Variants in AGBL4 observed in about 807,000 individuals in gnomAD.
The protein encoded by AGBL4 is AGBL carboxypeptidase 4, also known as cytosolic carboxypeptidase 6.
In AGBL4, 58 loss-of-function variants were observed where a neutral mutation model predicts 66.4. The observed-to-expected ratio is 0.87, with a 90% CI of 0.71 to 1.09. AGBL4 has a LOEUF of 1.09. Among genes scored for constraint, AGBL4 ranks in the 50% least tolerant of loss-of-function variants. AGBL4 has a pLI of 0.00. For missense variants in AGBL4, 579 were observed against 631.0 expected (o/e 0.92, Z 0.88); for synonymous variants, 234 against 222.9 (o/e 1.05, Z -0.44).
chr1:49,767,216 G>C (rs1558234649), intron 2 of AGBL4, among the ~76,000 whole-genome samples: 1 of 151,610 alleles, frequency 6.6e-6, no homozygotes, highest in African/African-American at 2.4e-5. Flanking sequence ...CATAAAACAA[G>C]TCTCAATAAA....
chr1:48,575,858 A>G (rs1644645356), intron 11 of AGBL4, among the ~76,000 whole-genome samples: 1 of 152,154 alleles, frequency 6.6e-6, no homozygotes, highest in Non-Finnish European at 1.5e-5. Context: ...TGCATAGGCT[A>G]CAGCCACTCA....
chr1:48,804,230 C>A (rs945493069), intron 6 of AGBL4, among the ~76,000 whole-genome samples: 26 of 152,304 alleles, frequency 1.7e-4, no homozygotes, highest in African/African-American at 6.0e-4. Context: ...CCTCTACTGC[C>A]TCTTCTCCAA....
chr1:49,189,963 A>C (rs1647085265), intron 4 of AGBL4, among the ~76,000 whole-genome samples: 1 of 152,126 alleles, frequency 6.6e-6, no homozygotes, highest in Non-Finnish European at 1.5e-5. Flanking sequence ...TCCTGTTATA[A>C]TAATGCATTC....
intron 3 of AGBL4, among the ~76,000 whole-genome samples, chr1:49,582,195 G>C (rs1644556181): frequency 6.6e-6 from 1 of 152,128 alleles, no homozygotes; most frequent in Admixed American, 6.5e-5. Flanking sequence ...GAAGTTGACT[G>C]GGCAAACCTG....
At chr1:49,192,110 C>G (rs1022586223) in intron 4 of AGBL4, among the ~76,000 whole-genome samples, 1 of 152,130 alleles carries the variant, frequency 6.6e-6, no homozygotes, top group East Asian at 1.9e-4. Context: ...TGCAACCTCA[C>G]CAGCATCTGT....
chr1:49,180,794 T>A (rs968139158), intron 4 of AGBL4, among the ~76,000 whole-genome samples: 1 of 152,326 alleles, frequency 6.6e-6, no homozygotes, highest in Non-Finnish European at 1.5e-5. Flanking sequence ...GCCACATACA[T>A]GGGACATGCA....
At chr1:48,906,294 G>C (rs965318899) in intron 5 of AGBL4, among the ~76,000 whole-genome samples, 4 of 152,206 alleles carry the variant, frequency 2.6e-5, no homozygotes, top group Non-Finnish European at 5.9e-5. Context: ...TCCTCTTGGA[G>C]AGAGATAAAT....
At chr1:49,823,981 T>G (rs1184274854) in intron 2 of AGBL4, among the ~76,000 whole-genome samples, 1 of 151,988 alleles carries the variant, frequency 6.6e-6, no homozygotes, top group Non-Finnish European at 1.5e-5. Flanking sequence ...GAGGTCGAGT[T>G]GGGTGGATCA....
At chr1:48,575,263 C>G (rs943433310) in intron 11 of AGBL4, among the ~76,000 whole-genome samples, 1 of 152,102 alleles carries the variant, frequency 6.6e-6, no homozygotes, top group Admixed American at 6.5e-5. Flanking sequence ...TATGATCTGA[C>G]AAACTGGATC....
At chr1:49,279,197 G>A (rs1266796204) in intron 3 of AGBL4, among the ~76,000 whole-genome samples, 1 of 152,134 alleles carries the variant, frequency 6.6e-6, no homozygotes, top group Non-Finnish European at 1.5e-5. Flanking sequence ...GGTTCACCTA[G>A]GGTTTTACCT....
intron 6 of AGBL4, among the ~76,000 whole-genome samples, chr1:48,722,423 C>G (rs759383001): frequency 2.6e-5 from 4 of 152,152 alleles, no homozygotes; most frequent in Non-Finnish European, 5.9e-5. Flanking sequence ...CGAGTGGGGA[C>G]TGCAGGTGTG....
At chr1:48,613,595 G>T (rs1645273137) in intron 9 of AGBL4, among the ~76,000 whole-genome samples, 1 of 152,176 alleles carries the variant, frequency 6.6e-6, no homozygotes, top group South Asian at 2.1e-4. Flanking sequence ...AATGTGAGCA[G>T]TCATGATATT....
At chr1:49,136,236 A>C (rs530521353) in intron 4 of AGBL4, among the ~76,000 whole-genome samples, 2 of 152,158 alleles carry the variant, frequency 1.3e-5, no homozygotes, top group Non-Finnish European at 2.9e-5. Context: ...GATAAACATA[A>C]ATGTAGATAA....
At chr1:49,258,323 T>C (rs556140253) in intron 3 of AGBL4, among the ~76,000 whole-genome samples, 2 of 152,264 alleles carry the variant, frequency 1.3e-5, no homozygotes, top group Non-Finnish European at 2.9e-5. Flanking sequence ...TTTGATGAGT[T>C]GAGAGAAGAA....
At chr1:48,983,867 AT>A (rs1378998693) in intron 5 of AGBL4, among the ~76,000 whole-genome samples, 1 of 152,174 alleles carries the variant, frequency 6.6e-6, no homozygotes, top group Non-Finnish European at 1.5e-5. Flanking sequence ...CCAGAATCAA[AT>A]TTGTTAACCA....
intron 3 of AGBL4, among the ~76,000 whole-genome samples, chr1:49,666,211 T>C (rs550911760): frequency 3.5e-4 from 53 of 152,080 alleles, no homozygotes; most frequent in African/African-American, 1.2e-3. Flanking sequence ...ACTACCAGGC[T>C]CATAGGAGGC....
At chr1:49,282,729 G>C (rs969865483) in intron 3 of AGBL4, among the ~76,000 whole-genome samples, 4 of 152,200 alleles carry the variant, frequency 2.6e-5, no homozygotes, top group South Asian at 4.1e-4. Flanking sequence ...GGGTCAGGGA[G>C]TTCCCTTTAC....
At chr1:49,208,283 A>G (rs1300560326) in intron 4 of AGBL4, among the ~76,000 whole-genome samples, 1 of 152,036 alleles carries the variant, frequency 6.6e-6, no homozygotes, top group Non-Finnish European at 1.5e-5. Context: ...TACCTGGGCT[A>G]TACTGTCACA....
At chr1:49,144,897 T>C (rs1646187529) in intron 4 of AGBL4, among the ~76,000 whole-genome samples, 1 of 152,038 alleles carries the variant, frequency 6.6e-6, no homozygotes, top group Non-Finnish European at 1.5e-5. Flanking sequence ...GCAATGGGGT[T>C]GGTGGTGGTG....
Sources: gnomAD v4.1 joint callset for allele counts (sites outside exome capture counted in the v4.1 genomes callset) on GRCh38, gnomAD v4.1.1 for gene constraint, MANE v1.5 for transcripts, NCBI Gene and HGNC (gene_info 2026-07-23, HGNC 2026-07-21) for gene names.